SLC25A21: variants seen among roughly 807,000 people sequenced by gnomAD.
The protein encoded by SLC25A21 is mitochondrial 2-oxodicarboxylate carrier.
Under a neutral mutation model 43.8 loss-of-function variants are expected in SLC25A21, and 47 were observed. That is an observed-to-expected ratio of 1.07 (90% CI 0.85 to 1.37). The LOEUF is 1.37. SLC25A21 is among the 40% of genes most tolerant of loss of function. SLC25A21 has a pLI of 0.00. For missense variants in SLC25A21, 352 were observed against 350.2 expected (o/e 1.00, Z -0.04); for synonymous variants, 131 against 121.3 (o/e 1.08, Z -0.52).
chr14:36,887,484 A>AC (rs1358842642), intron 1 of SLC25A21, among the ~76,000 whole-genome samples: 12 of 151,054 alleles, frequency 7.9e-5, no homozygotes, highest in Non-Finnish European at 1.5e-4. Flanking sequence ...AATCGCTTAA[A>AC]CCTGGGAGGC....
At chr14:36,868,518 T>C (rs1000914977) in intron 2 of SLC25A21, among the ~76,000 whole-genome samples, 1 of 152,154 alleles carries the variant, frequency 6.6e-6, no homozygotes, top group Non-Finnish European at 1.5e-5. Context: ...AGAATAAACT[T>C]TTTTCCTATA....
intron 1 of SLC25A21, among the ~76,000 whole-genome samples, chr14:36,967,234 C>G (rs978149116): frequency 1.3e-5 from 2 of 152,100 alleles, no homozygotes; most frequent in African/African-American, 4.8e-5. Context: ...AGAAACAGAC[C>G]TTCCTCGCCT....
chr14:36,796,780 T>C (rs542881337), intron 3 of SLC25A21, among the ~76,000 whole-genome samples: 1 of 152,166 alleles, frequency 6.6e-6, no homozygotes, highest in African/African-American at 2.4e-5. Flanking sequence ...AGTGATGAAA[T>C]TGAAAACTGA....
intron 1 of SLC25A21, among the ~76,000 whole-genome samples, chr14:37,135,597 T>C (rs1963467406): frequency 1.3e-5 from 2 of 152,228 alleles, no homozygotes; most frequent in Admixed American, 1.3e-4. Context: ...ATCATTTTTA[T>C]TGGACCACCT....
At chr14:37,155,088 TA>T (rs1462799574) in intron 1 of SLC25A21, among the ~76,000 whole-genome samples, 1 of 151,594 alleles carries the variant, frequency 6.6e-6, no homozygotes, top group Non-Finnish European at 1.5e-5. Flanking sequence ...TTTTTTTTTT[TA>T]AGATGGAGTT....
chr14:37,035,191 T>C (rs1335111747), intron 1 of SLC25A21, among the ~76,000 whole-genome samples: 1 of 152,196 alleles, frequency 6.6e-6, no homozygotes, highest in Admixed American at 6.5e-5. Context: ...CTGCTTTCTT[T>C]CTCTGCTGAA....
At chr14:37,003,561 C>A (rs1172978830) in intron 1 of SLC25A21, among the ~76,000 whole-genome samples, 1 of 152,152 alleles carries the variant, frequency 6.6e-6, no homozygotes, top group African/African-American at 2.4e-5. Flanking sequence ...TATATTCATT[C>A]AACACTACAC....
intron 2 of SLC25A21, among the ~76,000 whole-genome samples, chr14:36,822,489 T>C (rs185137511): frequency 2.2e-3 from 337 of 152,326 alleles, no homozygotes; most frequent in African/African-American, 7.6e-3. Flanking sequence ...GGCAGAGCTA[T>C]GCATTGGCTT....
chr14:36,761,663 A>G (rs748016386), intron 3 of SLC25A21, among the ~76,000 whole-genome samples: 1 of 152,368 alleles, frequency 6.6e-6, no homozygotes, highest in East Asian at 1.9e-4. Flanking sequence ...ATATTTGCAT[A>G]TAAGTAATTT....
chr14:36,775,333 C>A (rs934902964), intron 3 of SLC25A21, among the ~76,000 whole-genome samples: 1 of 152,170 alleles, frequency 6.6e-6, no homozygotes, highest in Non-Finnish European at 1.5e-5. Flanking sequence ...GAGCTACACA[C>A]AATAAGAACT....
intron 2 of SLC25A21, among the ~76,000 whole-genome samples, chr14:36,848,943 A>G (rs1010773618): frequency 2.0e-5 from 3 of 152,176 alleles, no homozygotes; most frequent in Non-Finnish European, 4.4e-5. Flanking sequence ...CTGACTTTCC[A>G]TCTCTCGCCC....
At chr14:37,023,207 T>A (rs931275511) in intron 1 of SLC25A21, among the ~76,000 whole-genome samples, 3 of 152,032 alleles carry the variant, frequency 2.0e-5, no homozygotes, top group Non-Finnish European at 4.4e-5. Flanking sequence ...TGGATCTAGC[T>A]GTCAATCTTT....
chr14:36,980,248 A>G (rs966030193), intron 1 of SLC25A21, among the ~76,000 whole-genome samples: 1 of 152,214 alleles, frequency 6.6e-6, no homozygotes, highest in East Asian at 1.9e-4. Context: ...CTCGAGGAGT[A>G]TCTTTGTGGT....
intron 1 of SLC25A21, among the ~76,000 whole-genome samples, chr14:37,000,928 T>C (rs1270946847): frequency 6.6e-6 from 1 of 152,138 alleles, no homozygotes; most frequent in Non-Finnish European, 1.5e-5. Context: ...TGTGAGTAAA[T>C]TAAACCTCTT....
chr14:36,727,163 G>C lies in SLC25A21; in HGVS notation c.331-1486C>G, dbSNP rs528164420. ...TAAGAGAAGCCCTGGAGAGGCATCG[G>C]TCAGGAGAAGGGGCAACTTTTCATT... On this transcript the variant is annotated intron_variant, in intron 5 of 9. Coordinates refer to ENST00000331299, the MANE Select transcript of SLC25A21 (RefSeq NM_030631.4). 2.1e-4 allele frequency among the ~76,000 whole-genome samples: 32 copies of C among 152,286 alleles called. No homozygotes were observed. The East Asian group carries it at 3.1e-3, about 15-fold the overall frequency.
At chr14:37,100,794 C>A (rs185444138) in intron 1 of SLC25A21, among the ~76,000 whole-genome samples, 4 of 152,324 alleles carry the variant, frequency 2.6e-5, no homozygotes, top group Middle Eastern at 3.4e-3. Context: ...GGGCAATTTA[C>A]TTAACCTCAG....
At chr14:36,738,428 AG>A in intron 3 of SLC25A21, among the ~76,000 whole-genome samples, 1 of 152,328 alleles carries the variant, frequency 6.6e-6, no homozygotes, top group Non-Finnish European at 1.5e-5. Flanking sequence ...ACCATAATCC[AG>A]GAAGTTAAGA....
chr14:37,170,126 C>T (rs754208427), intron 1 of SLC25A21, among the ~76,000 whole-genome samples: 2 of 151,962 alleles, frequency 1.3e-5, no homozygotes, highest in Non-Finnish European at 2.9e-5. Context: ...ACCTCCGCCT[C>T]CTGGGTTCAA....
At chr14:36,683,342 G>C (rs1882377052) in intron 9 of SLC25A21, among the ~76,000 whole-genome samples, 3 of 152,226 alleles carry the variant, frequency 2.0e-5, no homozygotes, top group Admixed American at 2.0e-4. Context: ...TAGTTACGGT[G>C]TCACCACTCC....
Sources: gnomAD v4.1 joint callset for allele counts (sites outside exome capture counted in the v4.1 genomes callset) on GRCh38, gnomAD v4.1.1 for gene constraint, MANE v1.5 for transcripts, NCBI Gene and HGNC (gene_info 2026-07-23, HGNC 2026-07-21) for gene names.